Variants in SIDT1 observed in about 807,000 individuals in gnomAD.
The protein encoded by SIDT1 is SID1 transmembrane family member 1.
A neutral mutation model predicts 107.5 loss-of-function variants in SIDT1; 101 were observed. The observed-to-expected ratio is 0.94, with a 90% CI of 0.80 to 1.11. SIDT1 has a LOEUF of 1.11. Among genes scored for constraint, SIDT1 ranks in the 50% least tolerant of loss-of-function variants. The pLI, the probability that SIDT1 is intolerant of heterozygous loss-of-function variation, is 0.00. For synonymous variants in SIDT1, 395 were observed against 398.2 expected (o/e 0.99, Z 0.10); for missense variants, 1,076 against 1,058.2 (o/e 1.02, Z -0.23).
chr3:113,567,554 A>G lies in SIDT1; in HGVS notation c.359A>G (p.Tyr120Cys). The change falls in exon 3 of 25, where the codon TAC (tyrosine) becomes TGC (cysteine). Residue 120 changes from tyrosine to cysteine, a missense_variant. Tyr to Cys is a radical substitution (Grantham distance 194). Transcript: ENST00000264852. ...GGCTGCTTCAGATACCAGAGGAGCT[A>G]CAACTATCAAGAAGTGAGCCGCACC... ...LLFQGLYQRSYNYQEVSRTLC... is the reference protein window; with the variant it reads ...LLFQGLYQRSCNYQEVSRTLC... 3 of 1,613,236 alleles carry G rather than the reference A, an allele frequency of 1.9e-6. No homozygotes were observed. The highest frequency in any genetic ancestry group is 2.5e-6 in the Non-Finnish European group (3 of 1,179,602).
chr3:113,566,348 G>C, intron 1 of SIDT1, 72 bp from the exon 2 acceptor site: 1 of 1,424,302 alleles, frequency 7.0e-7, no homozygotes, highest in South Asian at 1.2e-5. Flanking sequence ...TTGTGTGTGT[G>C]TGTGTGTGTG....
At chr3:113,594,531 T>G (rs917639534) in intron 10 of SIDT1, among the ~76,000 whole-genome samples, 10 of 152,082 alleles carry the variant, frequency 6.6e-5, no homozygotes, top group Non-Finnish European at 1.0e-4. Context: ...ATAGTATGAG[T>G]GAAGTCTTTT....
chr3:113,605,124 C>CTTTTTTTTTTTTTTTTTTTTTTTTTT (rs5851901), intron 14 of SIDT1, 148 bp downstream of exon 14: 1 of 288,046 alleles, frequency 3.5e-6, no homozygotes, highest in African/African-American at 2.7e-5. Flanking sequence ...ATTGCTTCCT[C>CTTTTTTTTTTTTTTTTTTTTTTTTTT]TTTTTTTTTT....
chr3:113,572,994 T>TC (rs143640906), intron 3 of SIDT1, among the ~76,000 whole-genome samples: 30,625 of 147,018 alleles, frequency 0.21, 3,629 homozygotes, highest in East Asian at 0.58. Context: ...AGATTTACAT[T>TC]CCTTTTTTTT....
intron 9 of SIDT1, 106 bp downstream of exon 9, chr3:113,585,376 C>A: frequency 1.2e-6 from 1 of 835,858 alleles, no homozygotes; most frequent in Non-Finnish European, 2.0e-6. Flanking sequence ...TCTCCCTCAG[C>A]CACTAGCAAT....
chr3:113,618,586 T>C (rs1468158364), intron 20 of SIDT1, among the ~76,000 whole-genome samples: 2 of 152,218 alleles, frequency 1.3e-5, no homozygotes, highest in Non-Finnish European at 2.9e-5. Flanking sequence ...GCATTTGGTG[T>C]TGTCACTGTT....
chr3:113,601,280 G>T, intron 10 of SIDT1: 1 of 218,880 alleles, frequency 4.6e-6, no homozygotes, highest in Non-Finnish European at 8.9e-6. Context: ...TGTTTCAGTA[G>T]AACTTATACA....
chr3:113,541,127 T>C (rs1403445024), intron 1 of SIDT1, among the ~76,000 whole-genome samples: 2 of 140,164 alleles, frequency 1.4e-5, no homozygotes, highest in African/African-American at 3.0e-5. Context: ...TATATATATA[T>C]ATATATACAC....
chr3:113,586,348 A>G (rs1324295641), intron 9 of SIDT1, among the ~76,000 whole-genome samples: 1 of 152,236 alleles, frequency 6.6e-6, no homozygotes, highest in Non-Finnish European at 1.5e-5. Flanking sequence ...ACATTCAGCA[A>G]TTCAACAAAT....
intron 6 of SIDT1, 22 bp downstream of exon 6, chr3:113,581,466 C>T (rs1943335713): frequency 1.9e-6 from 3 of 1,579,764 alleles, no homozygotes; most frequent in Non-Finnish European, 2.6e-6. Context: ...CTTCTGTGGG[C>T]ATTATTGCCA....
chr3:113,584,492 G>T (rs1943592981), intron 7 of SIDT1, among the ~76,000 whole-genome samples: 1 of 152,176 alleles, frequency 6.6e-6, no homozygotes, highest in Non-Finnish European at 1.5e-5. Flanking sequence ...CAAATTGAGA[G>T]TCTAATGCTA....
rs770654387 is a variant in SIDT1 at position 113,603,035 on chromosome 3, T to G, written c.1148T>G (p.Met383Arg). ...DESSSSPGRQMSSSDGGPPGQ... is the reference protein window; with the variant it reads ...DESSSSPGRQRSSSDGGPPGQ... ...TCAAGCTCCAGTCCTGGAAGGCAGATGTCCTCCTCCGATGGTGGGCCACCG... is the reference window on the plus strand; with the variant it reads ...TCAAGCTCCAGTCCTGGAAGGCAGAGGTCCTCCTCCGATGGTGGGCCACCG... The change falls in exon 12 of 25, where the codon ATG becomes AGG. Residue 383 changes from methionine to arginine, a missense_variant. Physicochemically the swap from Met to Arg is moderately conservative, Grantham distance 91. Coordinates refer to ENST00000264852, the MANE Select transcript of SIDT1 (RefSeq NM_017699.3). 2 of 1,614,028 alleles carry G rather than the reference T, an allele frequency of 1.2e-6. No homozygotes were observed. Among genetic ancestry groups the G allele is most frequent in the African/African-American group, 2.7e-5 (2 of 74,922 alleles).
At chr3:113,577,422 A>T (rs1942989968) in intron 4 of SIDT1, among the ~76,000 whole-genome samples, 1 of 152,214 alleles carries the variant, frequency 6.6e-6, no homozygotes, top group African/African-American at 2.4e-5. Context: ...ATACAACGAA[A>T]ATAAGACATT....
At chr3:113,615,115 T>C in intron 19 of SIDT1, 1 of 1,535,204 alleles carries the variant, frequency 6.5e-7, no homozygotes, top group Non-Finnish European at 8.7e-7. Context: ...TCTAGATTGT[T>C]TTTGTATCAA....
chr3:113,583,413 AG>A lies in SIDT1; in HGVS notation c.754del (p.Asp252IlefsTer12). Reference protein sequence around the residue: ...TKKAAITLQKKDFPGEQFFVV... With the variant: ...TKKAAITLQKXDFPGEQFFVV... ...AGGTTGTTATGTCTTATGCAGAAGA[AG>A]GATTTTCCAGGCGAGCAGTTCTTCG... On this transcript the variant is annotated frameshift_variant, in exon 7 of 25. Coordinates refer to ENST00000264852, the MANE Select transcript of SIDT1 (RefSeq NM_017699.3). LOFTEE classifies it high-confidence loss of function. The A allele has an allele frequency of 6.3e-7, 1 of 1,598,108 alleles. No individual in the cohort carries two copies. Among genetic ancestry groups the A allele is most frequent in the East Asian group, 2.2e-5 (1 of 44,776 alleles).
At position 113,533,191 on chromosome 3, in the gene SIDT1, A is replaced by C; in HGVS notation, c.170A>C (p.Asn57Thr). Reference sequence around the variant, plus strand: ...GATCATGTCTACAGCGGGGTGGTGAACCTCAGCACCGAGAACATCTACTCT... The same window carrying C: ...GATCATGTCTACAGCGGGGTGGTGACCCTCAGCACCGAGAACATCTACTCT... ...DFDHVYSGVV[N>T]LSTENIYSFN... Residue 57 changes from asparagine (N) to threonine (T), a missense_variant, in exon 1 of 25, where the codon AAC becomes ACC. Asn to Thr is a moderately conservative substitution (Grantham distance 65). Transcript: ENST00000264852. 1 of 1,563,782 alleles carries C rather than the reference A, an allele frequency of 6.4e-7. No homozygotes were observed. Among genetic ancestry groups the C allele is most frequent in the Non-Finnish European group, 8.6e-7 (1 of 1,156,194 alleles).
intron 1 of SIDT1, among the ~76,000 whole-genome samples, chr3:113,560,511 G>A (rs1428022281): frequency 6.6e-6 from 1 of 152,170 alleles, no homozygotes; most frequent in Non-Finnish European, 1.5e-5. Flanking sequence ...TGGGAAAGAT[G>A]GGAGGGAGGG....
intron 1 of SIDT1, among the ~76,000 whole-genome samples, chr3:113,562,396 T>A (rs1187611223): frequency 6.6e-6 from 1 of 152,234 alleles, no homozygotes; most frequent in African/African-American, 2.4e-5. Context: ...AAAATATACA[T>A]TCATACAAAA....
At chr3:113,601,516 G>A in intron 10 of SIDT1, 72 bp from the exon 11 acceptor site, 1 of 1,022,092 alleles carries the variant, frequency 9.8e-7, no homozygotes, top group Non-Finnish European at 1.5e-6. Flanking sequence ...GATGATTCAA[G>A]CTACTTAGAA....
Sources: allele counts gnomAD v4.1 joint callset (sites outside exome capture counted in the v4.1 genomes callset), GRCh38; gene constraint gnomAD v4.1.1; transcripts MANE v1.5; gene names NCBI Gene and HGNC (gene_info 2026-07-23, HGNC 2026-07-21).